SCG3: variants seen among roughly 807,000 people sequenced by gnomAD.
The protein encoded by SCG3 is secretogranin-3.
A neutral mutation model predicts 56.2 loss-of-function variants in SCG3; 38 were observed. The ratio of observed to expected loss-of-function variants is 0.68; its 90% CI spans 0.52 to 0.89. The LOEUF (loss-of-function observed/expected upper bound fraction) is 0.89. SCG3 is among the 40% of genes least tolerant of loss of function. SCG3 has a pLI of 0.00. For synonymous variants in SCG3, 176 were observed against 184.2 expected (o/e 0.96, Z 0.36); for missense variants, 524 against 540.7 (o/e 0.97, Z 0.31).
intron 8 of SCG3, 21 bp downstream of exon 8, chr15:51,696,012 T>G (rs781361607): frequency 2.4e-5 from 32 of 1,358,518 alleles, no homozygotes; most frequent in Non-Finnish European, 3.1e-5. Flanking sequence ...ATGTGTTTTG[T>G]TTCTACTGTG....
At chr15:51,716,049 G>C (rs1300899823) in intron 11 of SCG3, among the ~76,000 whole-genome samples, 3 of 152,068 alleles carry the variant, frequency 2.0e-5, no homozygotes, top group African/African-American at 7.2e-5. Flanking sequence ...AGTTGACATG[G>C]GGTTTCACCG....
chr15:51,712,950 T>C (rs1357794406), intron 10 of SCG3: 1 of 167,216 alleles, frequency 6.0e-6, no homozygotes, highest in African/African-American at 2.4e-5. Context: ...CTTGGCTTGA[T>C]GATGCTCCTC....
chr15:51,713,649 C>T (rs1196195464), intron 11 of SCG3, among the ~76,000 whole-genome samples: 1 of 152,194 alleles, frequency 6.6e-6, no homozygotes, highest in African/African-American at 2.4e-5. Flanking sequence ...GGAAAAATGT[C>T]AAGCAAACGT....
chr15:51,711,696 G>A (rs1326310055), intron 10 of SCG3, among the ~76,000 whole-genome samples: 4 of 152,272 alleles, frequency 2.6e-5, no homozygotes, highest in Non-Finnish European at 5.9e-5. Context: ...TGTTGTGCAG[G>A]CTGGTCTTGA....
intron 6 of SCG3, among the ~76,000 whole-genome samples, chr15:51,690,652 CA>C (rs34102168): frequency 0.81 from 120,601 of 148,566 alleles, 49,156 homozygotes; most frequent in East Asian, 0.99. Flanking sequence ...CTAGATTTAT[CA>C]AAAAAAAAAA....
intron 11 of SCG3, among the ~76,000 whole-genome samples, chr15:51,717,062 C>A (rs1047322706): frequency 5.3e-5 from 8 of 151,792 alleles, no homozygotes; most frequent in African/African-American, 1.9e-4. Context: ...CCCATCTCCA[C>A]AAAAAATTTA....
At chr15:51,683,031 A>G in intron 2 of SCG3, 48 bp from the exon 3 acceptor site, 1 of 1,461,762 alleles carries the variant, frequency 6.8e-7, no homozygotes, top group Non-Finnish European at 9.5e-7. Flanking sequence ...CTTGGTAAGT[A>G]GTGGAGCAAT....
intron 6 of SCG3, 43 bp downstream of exon 6, chr15:51,689,411 G>GTGTGTA (rs1292849383): frequency 7.3e-6 from 11 of 1,515,304 alleles, no homozygotes; most frequent in Non-Finnish European, 9.9e-6. Flanking sequence ...GTGTGTGTGT[G>GTGTGTA]TGTGTGTGTG....
intron 8 of SCG3, among the ~76,000 whole-genome samples, chr15:51,696,612 A>T (rs933354665): frequency 2.6e-5 from 4 of 152,220 alleles, no homozygotes; most frequent in African/African-American, 9.6e-5. Flanking sequence ...ATTGGCTCAC[A>T]GTTCTGCAGG....
intron 4 of SCG3, among the ~76,000 whole-genome samples, chr15:51,683,636 T>C (rs574267099): frequency 1.3e-5 from 2 of 152,286 alleles, no homozygotes; most frequent in African/African-American, 4.8e-5. Flanking sequence ...CCTTTAAAAA[T>C]TCCTTTAGTG....
chr15:51,702,417 C>T (rs2055345603), intron 10 of SCG3, among the ~76,000 whole-genome samples: 1 of 152,058 alleles, frequency 6.6e-6, no homozygotes, highest in Non-Finnish European at 1.5e-5. Context: ...CCACCCTGCC[C>T]TCTAATTTTT....
chr15:51,707,609 C>A (rs1351426508), intron 10 of SCG3, among the ~76,000 whole-genome samples: 2 of 152,134 alleles, frequency 1.3e-5, no homozygotes, highest in Non-Finnish European at 2.9e-5. Flanking sequence ...AAAACAAGGC[C>A]CAGAAGATGA....
chr15:51,709,757 G>T (rs577648096), intron 10 of SCG3, among the ~76,000 whole-genome samples: 1 of 101,798 alleles, frequency 9.8e-6, no homozygotes, highest in Non-Finnish European at 1.8e-5. Flanking sequence ...GTCTCGCTCT[G>T]TCGCCCAGGC....
In SCG3 at chr15:51,719,421, A is replaced by G; in HGVS notation, c.1302A>G (p.Ser434=). The G allele has an allele frequency of 6.2e-7, 1 of 1,613,204 alleles. No individual in the cohort carries two copies. The highest frequency in any genetic ancestry group is 8.5e-7 in the Non-Finnish European group (1 of 1,179,362). The change falls in exon 12 of 12, where the codon TCA becomes TCG. Residue 434 remains serine (S), a synonymous_variant. Transcript: ENST00000220478. ...KKGNKEDYDL[S]KMRDFINKQA... ...AATATTTTCCAGATTATGACCTTTC[A>G]AAGATGAGAGACTTCATCAATAAAC...
At chr15:51,717,292 C>T (rs1327270093) in intron 11 of SCG3, among the ~76,000 whole-genome samples, 3 of 151,350 alleles carry the variant, frequency 2.0e-5, no homozygotes, top group Non-Finnish European at 2.9e-5. Context: ...GGCGTGAACC[C>T]GGGAGGTGGA....
intron 7 of SCG3, among the ~76,000 whole-genome samples, chr15:51,694,244 T>C (rs1182467112): frequency 2.0e-5 from 3 of 151,970 alleles, no homozygotes; most frequent in Non-Finnish European, 4.4e-5. Flanking sequence ...GAAACCAAAA[T>C]ATCATCTCTG....
chr15:51,709,684 TATATATATATATATA>T (rs1567222252), intron 10 of SCG3, among the ~76,000 whole-genome samples: 73 of 16,490 alleles, frequency 4.4e-3, no homozygotes, highest in Non-Finnish European at 8.7e-3. Context: ...TATATATATA[TATATATATATATATA>T]TATTTTTTTT....
At chr15:51,709,274 C>A (rs928747287) in intron 10 of SCG3, among the ~76,000 whole-genome samples, 1 of 151,966 alleles carries the variant, frequency 6.6e-6, no homozygotes, top group Non-Finnish European at 1.5e-5. Context: ...GGGGTAACCG[C>A]CCCCCTGATT....
At chr15:51,700,969 T>A (rs1336558051) in intron 9 of SCG3, 138 bp from the exon 10 acceptor site, 1 of 1,070,424 alleles carries the variant, frequency 9.3e-7, no homozygotes, top group Non-Finnish European at 1.4e-6. Context: ...TTGGATTAGA[T>A]AAGCACTAAG....
Sources: allele counts gnomAD v4.1 joint callset (sites outside exome capture counted in the v4.1 genomes callset), GRCh38; gene constraint gnomAD v4.1.1; transcripts MANE v1.5; gene names NCBI Gene and HGNC (gene_info 2026-07-23, HGNC 2026-07-21).